The following LOX variants were observed in gnomAD, a reference collection of about 807,000 sequenced individuals.
The protein encoded by LOX is protein-lysine 6-oxidase.
LOX carries 12 observed loss-of-function variants against 50.5 expected under a neutral mutation model. That is an observed-to-expected ratio of 0.24 (90% CI 0.15 to 0.38). LOX has a LOEUF of 0.38. Among genes scored for constraint, LOX ranks in the 10% least tolerant of loss-of-function variants. The pLI, the probability that LOX is intolerant of heterozygous loss-of-function variation, is 1.00. For synonymous variants in LOX, 254 were observed against 230.6 expected, an observed-to-expected ratio of 1.10 and a Z score of -0.92; for missense variants, 504 against 563.8, an observed-to-expected ratio of 0.89 and a Z score of 1.07.
chr5:122,068,337 T>C (rs562535565), intron 6 of LOX, among the ~76,000 whole-genome samples: 4 of 152,084 alleles, frequency 2.6e-5, no homozygotes, highest in Admixed American at 6.6e-5. Flanking sequence ...CAAGAGACAT[T>C]CTATGCAACA....
chr5:122,069,811 T>C, intron 6 of LOX: 1 of 475,546 alleles, frequency 2.1e-6, no homozygotes, highest in Non-Finnish European at 4.0e-6. Context: ...GTAAACACTG[T>C]GGTCTGTTTA....
At position 122,064,327 on chromosome 5, in the gene LOX, G is replaced by T. The variant is rs566002509; in HGVS notation, c.*2416C>A. On this transcript the variant is annotated 3_prime_UTR_variant, in exon 7 of 7. Coordinates refer to ENST00000231004, the MANE Select transcript of LOX (RefSeq NM_002317.7). The stretch of plus-strand genomic sequence containing the variant: ...TCAAAGTTCAAAATAGTTCAAAGAA[G>T]TTCAGTAATACAGAGTGTTAAATCA... 4 of 151,884 alleles carry T rather than the reference G, an allele frequency of 2.6e-5. No individual in the cohort carries two copies. The East Asian group carries it at 7.8e-4, about 29-fold the overall frequency. The allele number at this position is 151,884 out of a possible 1,614,324, so 9.4% of individuals were successfully genotyped here.
At chr5:122,070,693 GA>G in intron 4 of LOX, 104 bp from the exon 5 acceptor site, 3 of 606,116 alleles carry the variant, frequency 4.9e-6, no homozygotes, top group Non-Finnish European at 8.8e-6. Flanking sequence ...GTACTTACAA[GA>G]GTCTGACATA....
Position 122,077,571 on chromosome 5 carries a change from C to A in LOX, c.415G>T (p.Ala139Ser). ...YSTSRAREAGASRAENQTAPG... is the reference protein window; with the variant it reads ...YSTSRAREAGSSRAENQTAPG... ...GCTGTCTGGTTCTCCGCGCGCGAGG[C>A]GCCAGCTTCGCGGGCTCTAGATGTC... The change falls in exon 1 of 7, where the codon GCC (alanine) becomes TCC (serine). Residue 139 changes from alanine (A) to serine (S), a missense_variant. Physicochemically the swap from Ala to Ser is moderately conservative, Grantham distance 99. Transcript: ENST00000231004. This position sits in a 1 kb window ranked among gnomAD's most constrained non-coding sequence, Gnocchi z 4.9. The A allele has an allele frequency of 6.2e-7, 1 of 1,612,878 alleles. No individual in the cohort carries two copies. Among genetic ancestry groups the A allele is most frequent in the Non-Finnish European group, 8.5e-7 (1 of 1,179,822 alleles).
rs746769036 is a variant in LOX at position 122,077,575 on chromosome 5, A to T, written c.411T>A (p.Ala137=). The change falls in exon 1 of 7, where the codon GCT becomes GCA. Residue 137 remains alanine, a synonymous_variant. Transcript: ENST00000231004. The surrounding 1 kb of genome is among the most constrained non-coding windows in gnomAD (Gnocchi z 4.9). The part of the protein sequence containing the change: ...AGYSTSRARE[A]GASRAENQTA... ...TCTGGTTCTCCGCGCGCGAGGCGCC[A>T]GCTTCGCGGGCTCTAGATGTCGAGT... 2.1e-5 allele frequency: 34 copies of T among 1,612,872 alleles called. No homozygotes were observed. The highest frequency in any genetic ancestry group is 2.9e-5 in the Non-Finnish European group (34 of 1,179,832).
chr5:122,076,302 C>T (rs558702515), intron 2 of LOX, among the ~76,000 whole-genome samples: 1 of 152,276 alleles, frequency 6.6e-6, no homozygotes, highest in African/African-American at 2.4e-5. Context: ...ACATCTTTTG[C>T]TCCCTCTGCT....
In LOX at chr5:122,076,991, G is replaced by A. The variant is rs534087196; in HGVS notation, c.642C>T (p.Asp214=). The change falls in exon 2 of 7, where the codon GAC becomes GAT. Residue 214 remains aspartate, a synonymous_variant. Transcript: ENST00000231004. ...GTGYFQYGLP[D]LVADPYYIQA... The stretch of plus-strand genomic sequence containing the variant: ...GGATGTAGTAGGGGTCGGCCACCAG[G>A]TCTGGGAGACCTAAACGTCAGCAGG... The A allele has an allele frequency of 8.1e-6, 13 of 1,613,498 alleles. No individual in the cohort carries two copies. Among genetic ancestry groups the A allele is most frequent in the Admixed American group, 6.7e-5 (4 of 60,024 alleles).
rs1754661345 is a variant in LOX, at chr5:122,077,121, CG to C, written c.632-121del. 2 of 1,490,146 alleles carry C rather than the reference CG, an allele frequency of 1.3e-6. No individual in the cohort carries two copies. The highest frequency in any genetic ancestry group is 2.8e-5 in the African/African-American group (2 of 71,786). The allele number at this position is 1,490,146 out of a possible 1,614,324, so 92.3% of individuals were successfully genotyped here. ...CGCCCACCGGGACTGCAGAGTGGAG[CG>C]GAGGACAGCAAGAGAACTGGGGACG... is the stretch of plus-strand genomic sequence containing the variant. On this transcript the variant is annotated intron_variant, in intron 1 of 6. Transcript: ENST00000231004. This position sits in a 1 kb window ranked among gnomAD's most constrained non-coding sequence, Gnocchi z 4.9.
chr5:122,072,169 A>G (rs968929194), intron 4 of LOX, among the ~76,000 whole-genome samples: 1 of 152,218 alleles, frequency 6.6e-6, no homozygotes. Context: ...ATGGGTTTAC[A>G]TAATGCTTCA....
rs2152591158 is a variant in LOX, at chr5:122,077,266, G to A, written c.631+89C>T. 6.4e-7 allele frequency: 1 copy of A among 1,569,686 alleles called. No individual in the cohort carries two copies. Among genetic ancestry groups the A allele is most frequent in the Non-Finnish European group, 8.6e-7 (1 of 1,159,412 alleles). Reference sequence around the variant, plus strand: ...GAGGGATCGGATCTGCGAGGACCGGGGCCCGCCGCGCCCAGGCAGCCACGT... The same window carrying A: ...GAGGGATCGGATCTGCGAGGACCGGAGCCCGCCGCGCCCAGGCAGCCACGT... On this transcript the variant is annotated intron_variant, in intron 1 of 6. Transcript: ENST00000231004. The surrounding 1 kb of genome is among the most constrained non-coding windows in gnomAD (Gnocchi z 4.9).
intron 6 of LOX, among the ~76,000 whole-genome samples, chr5:122,068,751 T>A (rs1455607813): frequency 6.6e-6 from 1 of 152,160 alleles, no homozygotes; most frequent in Non-Finnish European, 1.5e-5. Context: ...GTCCTATTTA[T>A]GTTTGCATTA....
intron 6 of LOX, 62 bp from the exon 7 acceptor site, chr5:122,066,811 C>T: frequency 1.9e-6 from 2 of 1,034,252 alleles, no homozygotes; most frequent in South Asian, 2.6e-5. Flanking sequence ...ATGAGTACAA[C>T]AGACAAATTT....
Position 122,066,610 on chromosome 5 carries a change from G to A in LOX, c.*133C>T. The A allele has an allele frequency of 1.4e-6, 1 of 705,496 alleles. No individual in the cohort carries two copies. The highest frequency in any genetic ancestry group is 2.4e-6 in the Non-Finnish European group (1 of 408,270). The allele number at this position is 705,496 out of a possible 1,614,324, so 43.7% of individuals were successfully genotyped here. On this transcript the variant is annotated 3_prime_UTR_variant, in exon 7 of 7. Coordinates refer to ENST00000231004, the MANE Select transcript of LOX (RefSeq NM_002317.7). ...GTTATGTGCTTTGTTATTGAAAACAGTCCAAACAAAAATTCTTTTGTTGTT... is the reference window on the plus strand; with the variant it reads ...GTTATGTGCTTTGTTATTGAAAACAATCCAAACAAAAATTCTTTTGTTGTT...
chr5:122,077,566 C>G lies in LOX; in HGVS notation c.420G>C (p.Ser140=), dbSNP rs1367014805. The G allele has an allele frequency of 6.2e-7, 1 of 1,613,018 alleles. No individual in the cohort carries two copies. Among genetic ancestry groups the G allele is most frequent in the Non-Finnish European group, 8.5e-7 (1 of 1,179,840 alleles). The change falls in exon 1 of 7, where the codon TCG becomes TCC. Residue 140 remains serine, a synonymous_variant. Coordinates refer to ENST00000231004, the MANE Select transcript of LOX (RefSeq NM_002317.7). This position sits in a 1 kb window ranked among gnomAD's most constrained non-coding sequence, Gnocchi z 4.9. ...CCGGCGCTGTCTGGTTCTCCGCGCG[C>G]GAGGCGCCAGCTTCGCGGGCTCTAG... ...STSRAREAGA[S]RAENQTAPGE...
Position 122,066,786 on chromosome 5 carries a change from C to T in LOX, c.1248-37G>A, listed in dbSNP as rs778045600. On this transcript the variant is annotated intron_variant, in intron 6 of 6. Coordinates refer to ENST00000231004, the MANE Select transcript of LOX (RefSeq NM_002317.7). The stretch of plus-strand genomic sequence containing the variant: ...AGACAAAATAAGACAAATTATTAAC[C>T]TGATAATATAATGAATGAGTACAAC... 2.0e-5 allele frequency: 27 copies of T among 1,365,088 alleles called. 1 individual carries two copies. In the South Asian group the frequency reaches 2.8e-4, roughly 14 times the overall value. The allele number at this position is 1,365,088 out of a possible 1,614,324, so 84.6% of individuals were successfully genotyped here.
Position 122,065,561 on chromosome 5 carries a change from C to T in LOX, c.*1182G>A, listed in dbSNP as rs764236567. ...GTATATTTTTCCTTTGTTCACCAAC[C>T]CCTCAAGTATGTAATACTATGTGCT... On this transcript the variant is annotated 3_prime_UTR_variant, in exon 7 of 7. Transcript: ENST00000231004. 1 of 151,982 alleles carries T rather than the reference C, an allele frequency of 6.6e-6. No homozygotes were observed. The highest frequency in any genetic ancestry group is 1.9e-4 in the East Asian group (1 of 5,184). 9.4% of individuals were successfully genotyped at this position (151,982 alleles called of 1,614,324 possible). A position where few individuals can be genotyped will look rare whatever the true frequency, so the allele number is the denominator to read the frequency against.
rs570755752 is a variant in LOX, at chr5:122,078,239, C to G, written c.-254G>C. ...AGGCAACGGGGAGCGGCGCGGCAGT[C>G]CCGGAGAGCGGGCAGTGTCTGGAGT... On this transcript the variant is annotated 5_prime_UTR_variant, in exon 1 of 7. Coordinates refer to ENST00000231004, the MANE Select transcript of LOX (RefSeq NM_002317.7). 2.2e-5 allele frequency: 9 copies of G among 405,166 alleles called. No individual in the cohort carries two copies. In the South Asian group the frequency reaches 5.7e-4, roughly 26 times the overall value. 25.1% of individuals were successfully genotyped at this position (405,166 alleles called of 1,614,324 possible). A position where few individuals can be genotyped will look rare whatever the true frequency, so the allele number is the denominator to read the frequency against.
chr5:122,073,897 A>C (rs1754530851), intron 4 of LOX, 116 bp downstream of exon 4: 2 of 956,388 alleles, frequency 2.1e-6, no homozygotes. Flanking sequence ...CAGTCTCTGT[A>C]TCCTTTTGAT....
At position 122,063,518 on chromosome 5, in the gene LOX, TTTAGC is replaced by T. The variant is rs1348864329; in HGVS notation, c.*3220_*3224del. On this transcript the variant is annotated 3_prime_UTR_variant, in exon 7 of 7. Transcript: ENST00000231004. ...TCAGATTTAAATAACTCAGCACCAT[TTTAGC>T]TTAGAGGATAAATGAAATGTTTAGT... 6.6e-6 allele frequency: 1 copy of T among 151,892 alleles called. No homozygotes were observed. Among genetic ancestry groups the T allele is most frequent in the African/African-American group, 2.4e-5 (1 of 41,406 alleles). 9.4% of individuals were successfully genotyped at this position (151,892 alleles called of 1,614,324 possible).
Sources: gnomAD v4.1 joint callset for allele counts (sites outside exome capture counted in the v4.1 genomes callset) on GRCh38, gnomAD v4.1.1 for gene constraint, Gnocchi (gnomAD v3.1) non-coding constraint, MANE v1.5 for transcripts, NCBI Gene and HGNC (gene_info 2026-07-23, HGNC 2026-07-21) for gene names.